The following PALMD variants were observed in gnomAD, a reference collection of about 807,000 sequenced individuals.
PALMD encodes the protein palmdelphin, also known as paralemmin-like protein.
In PALMD, 42 loss-of-function variants were observed where a neutral mutation model predicts 56.2. The ratio of observed to expected loss-of-function variants is 0.75; its 90% confidence interval spans 0.58 to 0.97. The LOEUF (loss-of-function observed/expected upper bound fraction) is 0.97, where lower values mean the gene tolerates loss of function less well. PALMD is among the 50% of genes least tolerant of loss of function. The pLI, the probability that PALMD is intolerant of heterozygous loss-of-function variation, is 0.00. For missense variants in PALMD, 660 were observed against 643.8 expected, an observed-to-expected ratio of 1.03 and a Z score of -0.27; for synonymous variants, 242 against 222.9, an observed-to-expected ratio of 1.09 and a Z score of -0.76.
intron 1 of PALMD, among the ~76,000 whole-genome samples, chr1:99,654,477 C>A (rs1365136996): frequency 6.6e-6 from 1 of 152,028 alleles, no homozygotes; most frequent in East Asian, 1.9e-4. Flanking sequence ...AAGTGACATA[C>A]TATATGTGAT....
At chr1:99,690,631 T>C (rs1164362940) in intron 7 of PALMD, among the ~76,000 whole-genome samples, 3 of 152,138 alleles carry the variant, frequency 2.0e-5, no homozygotes, top group Admixed American at 1.3e-4. Context: ...TTTCTTGTTA[T>C]CACTTAAATA....
At chr1:99,672,854 C>T (rs185269519) in intron 3 of PALMD, among the ~76,000 whole-genome samples, 138 of 152,200 alleles carry the variant, frequency 9.1e-4, no homozygotes, top group Non-Finnish European at 7.4e-4. Flanking sequence ...TTCTCTAGCA[C>T]GGATTTTTTT....
chr1:99,669,848 T>C (rs190510699), intron 3 of PALMD: 1 of 152,230 alleles, frequency 6.6e-6, no homozygotes, highest in Non-Finnish European at 1.5e-5. Context: ...AAGAGAGAGA[T>C]AGATTTAATA....
chr1:99,657,725 T>C (rs1652757493), intron 1 of PALMD, among the ~76,000 whole-genome samples: 2 of 152,184 alleles, frequency 1.3e-5, no homozygotes, highest in Non-Finnish European at 2.9e-5. Flanking sequence ...ACCTGGTTGT[T>C]CTTAACTTCC....
chr1:99,655,408 G>A (rs149299392), intron 1 of PALMD, among the ~76,000 whole-genome samples: 2 of 151,746 alleles, frequency 1.3e-5, no homozygotes, highest in Non-Finnish European at 2.9e-5. Context: ...AGTTTTAAAC[G>A]CTTTGTTTTT....
At chr1:99,661,853 A>C (rs995708501) in intron 1 of PALMD, among the ~76,000 whole-genome samples, 13 of 152,044 alleles carry the variant, frequency 8.6e-5, no homozygotes, top group African/African-American at 3.1e-4. Context: ...AACAGTCCCA[A>C]TTTCCAACTT....
At chr1:99,668,498 C>T (rs1026823120) in intron 3 of PALMD, 13 of 152,212 alleles carry the variant, frequency 8.5e-5, no homozygotes, top group African/African-American at 2.9e-4. Context: ...CCTACTCTCA[C>T]CTTAGGACAG....
intron 2 of PALMD, among the ~76,000 whole-genome samples, chr1:99,666,584 T>A (rs1022384527): frequency 6.6e-6 from 1 of 152,128 alleles, no homozygotes; most frequent in Non-Finnish European, 1.5e-5. Flanking sequence ...GAAAATAAAG[T>A]TCCCATTCTC....
At chr1:99,687,461 C>T (rs1374061039) in intron 6 of PALMD, among the ~76,000 whole-genome samples, 1 of 152,044 alleles carries the variant, frequency 6.6e-6, no homozygotes, top group Non-Finnish European at 1.5e-5. Flanking sequence ...GCATAGATTC[C>T]CTGGTCAAAA....
chr1:99,687,166 A>G lies in PALMD; in HGVS notation c.491A>G (p.Glu164Gly). ...RLRKEINEEK[E>G]DDEQNRKALY... ...AGGAAGGAGATAAATGAAGAAAAAG[A>G]AGATGATGAACAAAATAGGAAAGGT... is the stretch of plus-strand genomic sequence containing the variant. The change falls in exon 6 of 8, where the codon GAA (glutamate) becomes GGA (glycine). Residue 164 changes from glutamate (E) to glycine (G), a missense_variant. Glu to Gly is a moderately conservative substitution (Grantham distance 98, BLOSUM62 -2). Transcript: ENST00000263174. 6.2e-7 allele frequency: 1 copy of G among 1,604,072 alleles called. No individual in the cohort carries two copies. The highest frequency in any genetic ancestry group is 8.5e-7 in the Non-Finnish European group (1 of 1,172,642).
chr1:99,672,090 C>T (rs1215394823), intron 3 of PALMD, among the ~76,000 whole-genome samples: 1 of 152,140 alleles, frequency 6.6e-6, no homozygotes, highest in Non-Finnish European at 1.5e-5. Flanking sequence ...TAAAGACATT[C>T]AGAGGGTACC....
intron 3 of PALMD, chr1:99,684,267 A>G (rs924684947): frequency 3.3e-5 from 5 of 152,172 alleles, no homozygotes; most frequent in African/African-American, 4.8e-5. Flanking sequence ...CTGTAAAAGA[A>G]AAAGGGGAAA....
At position 99,689,425 on chromosome 1, in the gene PALMD, C is replaced by T. The variant is rs1653603659; in HGVS notation, c.1165C>T (p.Gln389Ter). 6.2e-7 allele frequency: 1 copy of T among 1,613,726 alleles called. No homozygotes were observed. Among genetic ancestry groups the T allele is most frequent in the Non-Finnish European group, 8.5e-7 (1 of 1,179,818 alleles). The change falls in exon 7 of 8, where the codon CAG (glutamine) becomes TAG (stop). Residue 389 changes from glutamine (Q) to a stop codon, truncating the protein, a stop_gained. Transcript: ENST00000263174. LOFTEE classifies it high-confidence loss of function. Reference sequence around the variant, plus strand: ...ACACCAGAATTCTTCACCCACTTGTCAGGAGGACGAGGAAGATGTCAGATA... The same window carrying T: ...ACACCAGAATTCTTCACCCACTTGTTAGGAGGACGAGGAAGATGTCAGATA... ...SEHQNSSPTCQEDEEDVRYNI... is the reference protein window; with the variant it reads ...SEHQNSSPTC
At position 99,688,940 on chromosome 1, in the gene PALMD, C is replaced by T. The variant is rs753589401; in HGVS notation, c.680C>T (p.Ala227Val). ...VYAVSSNHSA[A>V]YNGTDGLAPV... Reference sequence around the variant, plus strand: ...GCAGTAAGTTCTAATCACAGTGCAGCATACAATGGCACCGATGGCCTGGCA... The same window carrying T: ...GCAGTAAGTTCTAATCACAGTGCAGTATACAATGGCACCGATGGCCTGGCA... Residue 227 changes from alanine to valine, a missense_variant, in exon 7 of 8, where the codon GCA becomes GTA. Transcript: ENST00000263174. 6 of 1,613,370 alleles carry T rather than the reference C, an allele frequency of 3.7e-6. No individual in the cohort carries two copies. The African/African-American group carries it at 5.3e-5, about 14-fold the overall frequency.
chr1:99,666,893 A>G (rs1652972784), intron 2 of PALMD, among the ~76,000 whole-genome samples: 1 of 152,146 alleles, frequency 6.6e-6, no homozygotes, highest in South Asian at 2.1e-4. Context: ...CAAATTCAAG[A>G]GGAGTTTTTG....
At chr1:99,652,699 A>G (rs147574623) in intron 1 of PALMD, among the ~76,000 whole-genome samples, 1,153 of 83,162 alleles carry the variant, frequency 0.014, no homozygotes, top group African/African-American at 0.025. Context: ...GGAAAGGAAA[A>G]GAAAAGAAAA....
chr1:99,647,977 A>G (rs1652481644), intron 1 of PALMD, among the ~76,000 whole-genome samples: 1 of 152,220 alleles, frequency 6.6e-6, no homozygotes, highest in African/African-American at 2.4e-5. Context: ...TCCAAACGCA[A>G]ATAGAGACAG....
At position 99,687,148 on chromosome 1, in the gene PALMD, A is replaced by G. The variant is rs771281246; in HGVS notation, c.473A>G (p.Glu158Gly). Residue 158 changes from glutamate to glycine, a missense_variant, in exon 6 of 8, where the codon GAG (glutamate) becomes GGG (glycine). Glu to Gly is a moderately conservative substitution (Grantham distance 98). Coordinates refer to ENST00000263174, the MANE Select transcript of PALMD (RefSeq NM_017734.5). ...KSYIPSRLRK[E>G]INEEKEDDEQ... The stretch of plus-strand genomic sequence containing the variant: ...TACATACCTTCTAGGTTAAGGAAGG[A>G]GATAAATGAAGAAAAAGAAGATGAT... 2.5e-6 allele frequency: 4 copies of G among 1,603,706 alleles called. No homozygotes were observed. The highest frequency in any genetic ancestry group is 2.7e-5 in the African/African-American group (2 of 74,778).
Position 99,651,892 on chromosome 1 carries a change from T to C in PALMD, c.45+5530T>C, listed in dbSNP as rs116428985. The stretch of plus-strand genomic sequence containing the variant: ...TGTCCTAAGCATCAAGTTTTCAATC[T>C]ATTAAATGTATCAGTGATTGACACA... On this transcript the variant is annotated intron_variant, in intron 1 of 7. Transcript: ENST00000263174. Among the ~76,000 whole-genome samples, 495 of 152,326 alleles carry C rather than the reference T, an allele frequency of 3.2e-3. 1 individual carries two copies. The highest frequency in any genetic ancestry group is 0.012 in the African/African-American group (479 of 41,574).
Sources: allele counts gnomAD v4.1 joint callset (sites outside exome capture counted in the v4.1 genomes callset), GRCh38; gene constraint gnomAD v4.1.1; transcripts MANE v1.5; gene names NCBI Gene and HGNC (gene_info 2026-07-23, HGNC 2026-07-21).